Variants in CSMD1 observed in about 807,000 individuals in gnomAD.
CSMD1 encodes the protein CUB and Sushi multiple domains 1.
Under a neutral mutation model 417.5 loss-of-function variants are expected in CSMD1, and 213 were observed. The ratio of observed to expected loss-of-function variants is 0.51; its 90% CI spans 0.46 to 0.57. The LOEUF (loss-of-function observed/expected upper bound fraction) is 0.57. CSMD1 is among the 20% of genes least tolerant of loss of function. The pLI, the probability that CSMD1 is intolerant of heterozygous loss-of-function variation, is 0.00. For missense variants in CSMD1, 6,923 were observed against 4,529.7 expected (o/e 1.53, Z -15.17); for synonymous variants, 2,862 against 1,736.8 (o/e 1.65, Z -16.11).
intron 3 of CSMD1, among the ~76,000 whole-genome samples, chr8:4,346,256 A>T (rs892273376): frequency 1.3e-4 from 20 of 152,168 alleles, no homozygotes; most frequent in African/African-American, 4.6e-4. Context: ...TATACATCCA[A>T]AGAATAATAA....
intron 50 of CSMD1, among the ~76,000 whole-genome samples, chr8:3,032,828 C>T (rs112504046): frequency 2.1e-3 from 315 of 152,108 alleles, no homozygotes; most frequent in African/African-American, 7.1e-3. Flanking sequence ...CACTTGCACA[C>T]CCTTAAAAGA....
intron 1 of CSMD1, among the ~76,000 whole-genome samples, chr8:4,776,153 G>C (rs561347229): frequency 6.6e-6 from 1 of 152,246 alleles, no homozygotes; most frequent in African/African-American, 2.4e-5. Context: ...AGGTGAAGAA[G>C]AGATGAGGCG....
intron 10 of CSMD1, among the ~76,000 whole-genome samples, chr8:3,574,233 G>C (rs1800054100): frequency 6.6e-6 from 1 of 152,222 alleles, no homozygotes; most frequent in Non-Finnish European, 1.5e-5. Context: ...CAATTCAAAA[G>C]ACAGAATTGT....
chr8:4,726,257 C>G (rs565590091), intron 1 of CSMD1, among the ~76,000 whole-genome samples: 1 of 152,040 alleles, frequency 6.6e-6, no homozygotes, highest in Admixed American at 6.5e-5. Flanking sequence ...TTTCTACAGC[C>G]TTGCCCCGCT....
intron 5 of CSMD1, among the ~76,000 whole-genome samples, chr8:3,790,413 T>C (rs756838316): frequency 8.5e-5 from 13 of 152,082 alleles, no homozygotes; most frequent in Non-Finnish European, 1.8e-4. Flanking sequence ...ATAATGACAA[T>C]GGTGATAACA....
intron 3 of CSMD1, among the ~76,000 whole-genome samples, chr8:4,041,956 A>T (rs1278832086): frequency 6.6e-6 from 1 of 152,188 alleles, no homozygotes; most frequent in Non-Finnish European, 1.5e-5. Flanking sequence ...AGTATTTAAA[A>T]TGAAACATAA....
intron 3 of CSMD1, among the ~76,000 whole-genome samples, chr8:4,274,109 TA>T (rs1322313300): frequency 1.3e-5 from 2 of 152,196 alleles, no homozygotes; most frequent in African/African-American, 4.8e-5. Flanking sequence ...ACATATTAAA[TA>T]ACCCCTCCTC....
chr8:4,788,025 C>G, intron 1 of CSMD1: 1 of 1,589,168 alleles, frequency 6.3e-7, no homozygotes, highest in Non-Finnish European at 8.6e-7. Context: ...AGAAGTAACT[C>G]CTGAAGGGCT....
intron 12 of CSMD1, among the ~76,000 whole-genome samples, chr8:3,458,176 A>T: frequency 6.6e-6 from 1 of 152,148 alleles, no homozygotes; most frequent in African/African-American, 2.4e-5. Context: ...GTGAGGATAC[A>T]TGTTGGGAAG....
intron 1 of CSMD1, among the ~76,000 whole-genome samples, chr8:4,916,170 A>G (rs1013485379): frequency 6.6e-6 from 1 of 152,224 alleles, no homozygotes; most frequent in Non-Finnish European, 1.5e-5. Flanking sequence ...TTATAAAAGA[A>G]AGTAGAGTCC....
At chr8:3,740,076 G>A (rs1332087539) in intron 6 of CSMD1, among the ~76,000 whole-genome samples, 1 of 152,098 alleles carries the variant, frequency 6.6e-6, no homozygotes, top group South Asian at 2.1e-4. Flanking sequence ...AGTAAAAGAT[G>A]CAACAAAGGT....
chr8:3,946,427 C>A (rs951207125), intron 5 of CSMD1, among the ~76,000 whole-genome samples: 16 of 152,120 alleles, frequency 1.1e-4, no homozygotes, highest in Non-Finnish European at 1.8e-4. Flanking sequence ...ACCTTGGCTA[C>A]TTTAGCTCAA....
chr8:3,798,757 G>T (rs531260769), intron 5 of CSMD1, among the ~76,000 whole-genome samples: 1 of 152,088 alleles, frequency 6.6e-6, no homozygotes, highest in Non-Finnish European at 1.5e-5. Flanking sequence ...TCAGTATTTA[G>T]AAATTTTTTT....
intron 7 of CSMD1, among the ~76,000 whole-genome samples, chr8:3,661,498 A>ATT (rs34099214): frequency 4.0e-5 from 6 of 151,002 alleles, no homozygotes; most frequent in African/African-American, 1.5e-4. Flanking sequence ...AATTAAACTG[A>ATT]TTTTTTTTTC....
At chr8:3,701,454 T>C (rs1800862659) in intron 7 of CSMD1, among the ~76,000 whole-genome samples, 1 of 151,758 alleles carries the variant, frequency 6.6e-6, no homozygotes, top group Admixed American at 6.6e-5. Context: ...GTTATGGTGC[T>C]AAACTCAGAG....
At chr8:3,674,170 A>G (rs1799243769) in intron 7 of CSMD1, among the ~76,000 whole-genome samples, 1 of 152,186 alleles carries the variant, frequency 6.6e-6, no homozygotes, top group Non-Finnish European at 1.5e-5. Flanking sequence ...TTCATAATGA[A>G]GACTTCGAGA....
chr8:3,902,586 C>T (rs973138164), intron 5 of CSMD1, among the ~76,000 whole-genome samples: 2 of 152,040 alleles, frequency 1.3e-5, no homozygotes, highest in Admixed American at 6.5e-5. Flanking sequence ...GTAGGGTTCA[C>T]GATCCTATGA....
chr8:4,112,945 G>A lies in CSMD1; in HGVS notation c.416-80846C>T, dbSNP rs139295165. ...CAGTAAGTGCTCACTTCATCCTTTT[G>A]CGTTACATTTTGGTAATTCTTTCAA... On this transcript the variant is annotated intron_variant, in intron 3 of 69. Coordinates refer to ENST00000635120, the MANE Select transcript of CSMD1 (RefSeq NM_033225.6). Among the ~76,000 whole-genome samples, 87 of 152,208 alleles carry A rather than the reference G, an allele frequency of 5.7e-4. No homozygotes were observed. In the East Asian group the frequency reaches 0.014, roughly 24 times the overall value.
chr8:4,367,067 T>C (rs191826247), intron 3 of CSMD1, among the ~76,000 whole-genome samples: 1 of 152,294 alleles, frequency 6.6e-6, no homozygotes, highest in African/African-American at 2.4e-5. Flanking sequence ...CACTTGTCAA[T>C]TTTTATTTTT....
Sources: gnomAD v4.1 joint callset for allele counts (sites outside exome capture counted in the v4.1 genomes callset) on GRCh38, gnomAD v4.1.1 for gene constraint, MANE v1.5 for transcripts, NCBI Gene and HGNC (gene_info 2026-07-23, HGNC 2026-07-21) for gene names.